COL19A1: variants seen among roughly 807,000 people sequenced by gnomAD.
The protein encoded by COL19A1 is collagen type XIX alpha 1 chain, also known as collagen alpha-1(XIX) chain.
COL19A1 carries 159 observed loss-of-function variants against 190.2 expected under a neutral mutation model. The ratio of observed to expected loss-of-function variants is 0.84; its 90% CI spans 0.73 to 0.95. The LOEUF is 0.95. Ranked by LOEUF, COL19A1 falls within the 40% of genes least tolerant of loss-of-function variation. The pLI is 0.00. For missense variants in COL19A1, 1,418 were observed against 1,431.9 expected, an observed-to-expected ratio of 0.99 and a Z score of 0.16; for synonymous variants, 509 against 458.9, an observed-to-expected ratio of 1.11 and a Z score of -1.39.
At chr6:70,042,259 A>T (rs1779671062) in intron 14 of COL19A1, among the ~76,000 whole-genome samples, 1 of 152,136 alleles carries the variant, frequency 6.6e-6, no homozygotes, top group African/African-American at 2.4e-5. Context: ...CTACTTAGAG[A>T]TTGCCTAATG....
chr6:69,932,039 A>G (rs1772794073), intron 6 of COL19A1, among the ~76,000 whole-genome samples: 1 of 152,102 alleles, frequency 6.6e-6, no homozygotes, highest in African/African-American at 2.4e-5. Context: ...CAGCCTATTT[A>G]AGAATTTATT....
chr6:69,978,617 A>G (rs888006579), intron 11 of COL19A1, among the ~76,000 whole-genome samples: 27 of 151,792 alleles, frequency 1.8e-4, no homozygotes, highest in Admixed American at 1.3e-4. Flanking sequence ...CATAGTGTCA[A>G]ATCTGGTTAT....
intron 11 of COL19A1, among the ~76,000 whole-genome samples, chr6:69,971,146 A>T (rs1361096888): frequency 2.0e-5 from 3 of 152,200 alleles, no homozygotes; most frequent in Non-Finnish European, 4.4e-5. Flanking sequence ...AGAGAGAGAA[A>T]GAGAGAGAAA....
At chr6:69,963,219 T>A (rs1396391826) in intron 11 of COL19A1, among the ~76,000 whole-genome samples, 1 of 152,192 alleles carries the variant, frequency 6.6e-6, no homozygotes, top group African/African-American at 2.4e-5. Flanking sequence ...TATGTACAAC[T>A]GGTTTATCAG....
intron 4 of COL19A1, among the ~76,000 whole-genome samples, chr6:69,917,230 A>G (rs898841879): frequency 2.0e-5 from 3 of 152,222 alleles, no homozygotes; most frequent in Admixed American, 6.5e-5. Context: ...TTCTTTTTCT[A>G]TCAAAGTTTT....
At chr6:69,929,293 A>G (rs539870872) in intron 5 of COL19A1, 132 bp from the exon 6 acceptor site, 391 of 857,798 alleles carry the variant, frequency 4.6e-4, no homozygotes, top group Non-Finnish European at 6.4e-4. Flanking sequence ...CCTGGTGGAC[A>G]CAAGTGTCAT....
At chr6:70,098,973 C>T (rs553111170) in intron 15 of COL19A1, among the ~76,000 whole-genome samples, 36 of 147,022 alleles carry the variant, frequency 2.4e-4, no homozygotes, top group African/African-American at 8.1e-4. Context: ...AATCCCAACA[C>T]TTTGGGAGGA....
At chr6:69,939,165 G>A (rs1773297294) in intron 9 of COL19A1, among the ~76,000 whole-genome samples, 2 of 152,030 alleles carry the variant, frequency 1.3e-5, no homozygotes, top group Admixed American at 6.6e-5. Flanking sequence ...AGGAGGGACA[G>A]GCCATTTATT....
intron 11 of COL19A1, among the ~76,000 whole-genome samples, chr6:69,992,878 T>TA (rs148993358): frequency 0.083 from 12,672 of 152,092 alleles, 600 homozygotes; most frequent in East Asian, 0.2. Context: ...GTTTTCTAGG[T>TA]AAAAAATCAT....
rs757510210 is a variant in COL19A1, at chr6:69,879,609, A to C, written c.42A>C (p.Ser14=). The C allele has an allele frequency of 1.9e-5, 31 of 1,613,982 alleles. No individual in the cohort carries two copies. The highest frequency in any genetic ancestry group is 2.4e-5 in the Non-Finnish European group (28 of 1,180,020). The change falls in exon 2 of 51, where the codon TCA becomes TCC. Residue 14 remains serine, a synonymous_variant. Coordinates refer to ENST00000620364, the MANE Select transcript of COL19A1 (RefSeq NM_001858.6). ...TGPWKLWLWM[S]IFLLPASTSV... is the part of the protein sequence containing the mutation. ...CTTGGAAACTTTGGCTTTGGATGTC[A>C]ATATTTCTGCTTCCTGCTTCCACTT... is the stretch of plus-strand genomic sequence containing the variant.
At chr6:70,005,043 A>G (rs1007470912) in intron 11 of COL19A1, among the ~76,000 whole-genome samples, 2 of 152,094 alleles carry the variant, frequency 1.3e-5, no homozygotes, top group Non-Finnish European at 2.9e-5. Context: ...TGTGTTAGCC[A>G]GGATGGTCTC....
intron 8 of COL19A1, 121 bp downstream of exon 8, chr6:69,937,031 TCA>T (rs1256726423): frequency 7.6e-6 from 10 of 1,311,084 alleles, no homozygotes; most frequent in Non-Finnish European, 1.0e-5. Flanking sequence ...AGTAAATACC[TCA>T]GTTACTGGGG....
chr6:70,003,639 C>CT (rs879422069), intron 11 of COL19A1, among the ~76,000 whole-genome samples: 94 of 148,602 alleles, frequency 6.3e-4, no homozygotes, highest in South Asian at 1.7e-3. Context: ...CCTTCTTTGT[C>CT]TTTTTTTTTT....
intron 4 of COL19A1, among the ~76,000 whole-genome samples, chr6:69,919,336 C>T (rs1011995251): frequency 2.6e-5 from 4 of 152,100 alleles, no homozygotes; most frequent in African/African-American, 9.7e-5. Context: ...GAGGATTTTC[C>T]AGACAGGAAG....
intron 48 of COL19A1, among the ~76,000 whole-genome samples, chr6:70,195,764 A>G (rs1310550928): frequency 6.6e-6 from 1 of 152,066 alleles, no homozygotes; most frequent in East Asian, 1.9e-4. Context: ...CCTTCTGAGG[A>G]TTTTGTAGTT....
At chr6:70,143,608 C>A (rs375965061) in intron 23 of COL19A1, among the ~76,000 whole-genome samples, 24 of 152,110 alleles carry the variant, frequency 1.6e-4, no homozygotes, top group African/African-American at 5.3e-4. Context: ...ACCGCTTGAG[C>A]CTCTCCTGTC....
chr6:69,927,077 A>G (rs1014080728), intron 4 of COL19A1, among the ~76,000 whole-genome samples: 1 of 152,268 alleles, frequency 6.6e-6, no homozygotes. Context: ...AGAATTTGAG[A>G]CTAGCACATC....
chr6:70,161,997 T>G, intron 35 of COL19A1, 44 bp downstream of exon 35: 2 of 1,533,054 alleles, frequency 1.3e-6, no homozygotes, highest in Non-Finnish European at 1.8e-6. Context: ...TTATATCTGC[T>G]GGTTTGATGC....
chr6:70,179,363 G>A (rs1225372844), intron 42 of COL19A1, among the ~76,000 whole-genome samples: 3 of 152,162 alleles, frequency 2.0e-5, no homozygotes, highest in African/African-American at 7.2e-5. Context: ...GGGACAGGAG[G>A]TGGTTCCTTC....
Sources: gnomAD v4.1 joint callset for allele counts (sites outside exome capture counted in the v4.1 genomes callset) on GRCh38, gnomAD v4.1.1 for gene constraint, MANE v1.5 for transcripts, NCBI Gene and HGNC (gene_info 2026-07-23, HGNC 2026-07-21) for gene names.